The following TPRG1 variants were observed in gnomAD, a reference collection of about 807,000 sequenced individuals.
The protein encoded by TPRG1 is tumor protein p63-regulated gene 1 protein.
TPRG1 carries 29 observed loss-of-function variants against 29.3 expected under a neutral mutation model. The observed-to-expected ratio is 0.99, with a 90% CI of 0.74 to 1.35. TPRG1 has a LOEUF of 1.35. Ranked by LOEUF, TPRG1 falls within the 40% of genes most tolerant of loss-of-function variation. The pLI is 0.00. For synonymous variants in TPRG1, 130 were observed against 116.8 expected (o/e 1.11, Z -0.73); for missense variants, 327 against 335.0 (o/e 0.98, Z 0.19).
intron 1 of TPRG1, among the ~76,000 whole-genome samples, chr3:189,194,008 G>A (rs1732136081): frequency 6.7e-6 from 1 of 150,326 alleles, no homozygotes; most frequent in African/African-American, 2.5e-5. Flanking sequence ...ATGTGTTGCT[G>A]TCTGTGCATA....
exon 2 of TPRG1, chr3:189,127,204 C>T (rs1165594708): frequency 1.3e-5 from 2 of 152,132 alleles, no homozygotes; most frequent in African/African-American, 4.8e-5. Flanking sequence ...TCTGATATAC[C>T]TCCAAGGTGA....
intron 1 of TPRG1, among the ~76,000 whole-genome samples, chr3:189,201,649 GT>G (rs779524835): frequency 6.6e-6 from 1 of 151,876 alleles, no homozygotes; most frequent in Non-Finnish European, 1.5e-5. Flanking sequence ...TCAAATTGTT[GT>G]TTTTTTATTT....
chr3:189,283,708 G>A (rs572469950), intron 4 of TPRG1, among the ~76,000 whole-genome samples: 24 of 152,150 alleles, frequency 1.6e-4, no homozygotes, highest in Non-Finnish European at 7.4e-5. Context: ...ATGAGGCAAG[G>A]GATTATCACC....
intron 3 of TPRG1, among the ~76,000 whole-genome samples, chr3:189,237,458 A>G (rs570934385): frequency 6.6e-6 from 1 of 152,286 alleles, no homozygotes; most frequent in African/African-American, 2.4e-5. Context: ...TTCTTCTTAC[A>G]AACTGTGATA....
At chr3:189,105,447 A>T (rs1048908299) in intron 1 of TPRG1, among the ~76,000 whole-genome samples, 1 of 151,984 alleles carries the variant, frequency 6.6e-6, no homozygotes, top group Non-Finnish European at 1.5e-5. Context: ...GCTCTTTTTC[A>T]TGCATTGAGG....
chr3:189,181,469 A>C (rs1433225367), intron 1 of TPRG1, among the ~76,000 whole-genome samples: 1 of 152,154 alleles, frequency 6.6e-6, no homozygotes, highest in Non-Finnish European at 1.5e-5. Flanking sequence ...ACTCTAAATC[A>C]TCTCTCTCAA....
At position 189,321,096 on chromosome 3, in the gene TPRG1, C is replaced by A. The variant is rs1451446125; in HGVS notation, c.*276C>A. ...TATCAAATGAGTGCCTGATCATCAACTCAGGAAAGAAGACTCTAAGTCCTG... is the reference window on the plus strand; with the variant it reads ...TATCAAATGAGTGCCTGATCATCAAATCAGGAAAGAAGACTCTAAGTCCTG... On this transcript the variant is annotated 3_prime_UTR_variant, in exon 6 of 6. Transcript: ENST00000345063. 3.3e-5 allele frequency: 8 copies of A among 241,324 alleles called. No individual in the cohort carries two copies. The highest frequency in any genetic ancestry group is 1.6e-4 in the African/African-American group (7 of 44,080). 14.9% of individuals were successfully genotyped at this position (241,324 alleles called of 1,614,324 possible). A position where few individuals can be genotyped will look rare whatever the true frequency, so the allele number is the denominator to read the frequency against.
chr3:189,272,477 C>A (rs990419320), intron 4 of TPRG1, among the ~76,000 whole-genome samples: 1 of 152,010 alleles, frequency 6.6e-6, no homozygotes, highest in Non-Finnish European at 1.5e-5. Flanking sequence ...TAATATACAT[C>A]GAGACTGTTG....
chr3:189,236,477 A>G lies in TPRG1; in HGVS notation c.303-2256A>G, dbSNP rs150347865. 7.2e-5 allele frequency among the ~76,000 whole-genome samples: 11 copies of G among 152,266 alleles called. No individual in the cohort carries two copies. In the East Asian group the frequency reaches 2.1e-3, roughly 29 times the overall value. On this transcript the variant is annotated intron_variant, in intron 3 of 5. Transcript: ENST00000345063. The stretch of plus-strand genomic sequence containing the variant: ...GACTAAGACTGAGAATGTCAAGCAG[A>G]CTCTCAAGAATTTCCTCTTTCTCTC...
At position 189,188,440 on chromosome 3, in the gene TPRG1, T is replaced by C. The variant is rs114396761; in HGVS notation, c.-10+16309T>C. On this transcript the variant is annotated intron_variant, in intron 1 of 5. Coordinates refer to ENST00000345063, the MANE Select transcript of TPRG1 (RefSeq NM_198485.4). ...GTTGGGGCCCAAGTTCTAGGTCCGA[T>C]GGGTGTGGAATCACTCGTCTGGATA... 7.1e-3 allele frequency among the ~76,000 whole-genome samples: 1,080 copies of C among 152,238 alleles called. 14 individuals carry two copies. Among genetic ancestry groups the C allele is most frequent in the African/African-American group, 0.025 (1,020 of 41,568 alleles).
At chr3:189,257,277 T>C (rs1712069267) in intron 4 of TPRG1, among the ~76,000 whole-genome samples, 1 of 152,218 alleles carries the variant, frequency 6.6e-6, no homozygotes, top group Non-Finnish European at 1.5e-5. Context: ...TTAGTTTGGC[T>C]GGATATGAAA....
At chr3:189,144,895 C>A (rs1412147542) in intron 3 of TPRG1, among the ~76,000 whole-genome samples, 1 of 152,188 alleles carries the variant, frequency 6.6e-6, no homozygotes, top group Non-Finnish European at 1.5e-5. Context: ...TAGGCAGGGT[C>A]ATGTCTTACA....
intron 4 of TPRG1, among the ~76,000 whole-genome samples, chr3:189,301,504 G>T (rs1039234342): frequency 5.3e-5 from 8 of 152,104 alleles, no homozygotes; most frequent in African/African-American, 1.9e-4. Context: ...CTGCTACTCA[G>T]TGAAGTGGCA....
chr3:189,235,242 A>C, intron 3 of TPRG1, among the ~76,000 whole-genome samples: 2 of 133,440 alleles, frequency 1.5e-5, no homozygotes, highest in African/African-American at 3.0e-5. Flanking sequence ...TTTCCAAAGG[A>C]TCCCCTCACT....
intron 4 of TPRG1, among the ~76,000 whole-genome samples, chr3:189,252,676 A>G (rs60278182): frequency 0.21 from 32,244 of 151,966 alleles, 4,541 homozygotes; most frequent in African/African-American, 0.41. Flanking sequence ...ACTTTAATTT[A>G]GGGGGGTTCT....
intron 4 of TPRG1, chr3:189,024,044 C>T (rs2152126214): frequency 6.6e-6 from 1 of 152,360 alleles, no homozygotes; most frequent in South Asian, 2.1e-4. Flanking sequence ...TTGGGGGATC[C>T]CTTCAGTCCC....
chr3:189,069,337 AG>A, intron 4 of TPRG1, among the ~76,000 whole-genome samples: 1 of 152,228 alleles, frequency 6.6e-6, no homozygotes, highest in Non-Finnish European at 1.5e-5. Context: ...AATGGTTACC[AG>A]GGATAAAGGT....
At chr3:189,158,828 C>G (rs111424569) in intron 5 of TPRG1, among the ~76,000 whole-genome samples, 5 of 152,210 alleles carry the variant, frequency 3.3e-5, no homozygotes, top group African/African-American at 1.2e-4. Context: ...AAGTCTAAAA[C>G]AAAATTGCTC....
At chr3:189,138,595 C>A (rs1044247897) in intron 3 of TPRG1, among the ~76,000 whole-genome samples, 1 of 152,130 alleles carries the variant, frequency 6.6e-6, no homozygotes, top group Non-Finnish European at 1.5e-5. Context: ...GAGGATCAGG[C>A]ACGCATAGGA....
Sources: gnomAD v4.1 joint callset for allele counts (sites outside exome capture counted in the v4.1 genomes callset) on GRCh38, gnomAD v4.1.1 for gene constraint, MANE v1.5 for transcripts, NCBI Gene and HGNC (gene_info 2026-07-23, HGNC 2026-07-21) for gene names.